CDKL5: variants seen among roughly 807,000 people sequenced by gnomAD.
The protein encoded by CDKL5 is cyclin-dependent kinase-like 5.
Under a neutral mutation model 61.7 loss-of-function variants are expected in CDKL5, and 8 were observed. The observed-to-expected ratio is 0.13, with a 90% CI of 0.08 to 0.23. The LOEUF (loss-of-function observed/expected upper bound fraction) is 0.23, where lower values mean the gene tolerates loss of function less well. Among genes scored for constraint, CDKL5 ranks in the 10% least tolerant of loss-of-function variants. The probability of loss-of-function intolerance (pLI) is 1.00; values close to 1 mark genes in which losing one functional copy is unlikely to be tolerated. For missense variants in CDKL5, 440 were observed against 734.5 expected (o/e 0.60, Z 4.63); for synonymous variants, 275 against 272.3 (o/e 1.01, Z -0.10).
chrX:18,542,062 G>T (rs1332919917), intron 3 of CDKL5, among the ~76,000 whole-genome samples: 1 of 111,731 alleles, frequency 9.0e-6, no homozygotes, highest in African/African-American at 3.3e-5. Context: ...CATTTTGGAT[G>T]TTATGTCATT....
chrX:18,648,646 G>C (rs12012448), intron 20 of CDKL5, among the ~76,000 whole-genome samples: 9,400 of 111,782 alleles, frequency 0.084, 824 homozygotes, highest in African/African-American at 0.27. Flanking sequence ...GAAGTGCCCA[G>C]GTGACATAAC....
chrX:18,602,314 G>A (rs907032385), intron 11 of CDKL5, among the ~76,000 whole-genome samples: 4 of 112,196 alleles, frequency 3.6e-5, no homozygotes, highest in African/African-American at 1.3e-4. Context: ...TTGAAAAGTC[G>A]CTGAGATATT....
chrX:18,602,209 A>C (rs1254578943), intron 11 of CDKL5, among the ~76,000 whole-genome samples: 1 of 112,215 alleles, frequency 8.9e-6, no homozygotes, highest in Admixed American at 9.4e-5. Context: ...GGCCGGGCTC[A>C]TGGGGGTGGA....
intron 3 of CDKL5, among the ~76,000 whole-genome samples, chrX:18,523,621 G>A (rs966279256): frequency 3.6e-5 from 4 of 111,860 alleles, no homozygotes; most frequent in Non-Finnish European, 7.5e-5. Flanking sequence ...GCTGTTACCT[G>A]TGGGTTTTAT....
intron 3 of CDKL5, among the ~76,000 whole-genome samples, chrX:18,526,314 T>C (rs970249588): frequency 9.8e-5 from 11 of 112,475 alleles, no homozygotes; most frequent in Admixed American, 1.9e-4. Flanking sequence ...TGTAATTGTT[T>C]AGTAGTTCCA....
intron 1 of CDKL5, among the ~76,000 whole-genome samples, chrX:18,459,702 T>C (rs1282013567): frequency 1.2e-4 from 9 of 74,311 alleles, no homozygotes; most frequent in East Asian, 4.1e-4. Context: ...TTCTTTCTTT[T>C]TTTTTTTTTT....
intron 3 of CDKL5, among the ~76,000 whole-genome samples, chrX:18,517,097 C>T (rs1360044040): frequency 1.8e-5 from 2 of 111,799 alleles, no homozygotes; most frequent in Admixed American, 9.5e-5. Context: ...TGCCTTTATC[C>T]TCATCATCCG....
chrX:18,641,712 C>CA (rs1927580330), downstream of CDKL5: 1 of 341,622 alleles, frequency 2.9e-6, no homozygotes, highest in Admixed American at 4.6e-5. Flanking sequence ...ATCACTGAGA[C>CA]AAAAAATGAG....
At chrX:18,530,445 C>T (rs1923605313) in intron 3 of CDKL5, among the ~76,000 whole-genome samples, 1 of 111,020 alleles carries the variant, frequency 9.0e-6, no homozygotes, top group South Asian at 3.8e-4. Flanking sequence ...TCAGCCGTGT[C>T]CAGTTTACTG....
intron 10 of CDKL5, among the ~76,000 whole-genome samples, chrX:18,596,984 A>G (rs976190926): frequency 1.8e-5 from 2 of 111,656 alleles, no homozygotes; most frequent in Non-Finnish European, 3.8e-5. Flanking sequence ...ATGTCCTTTC[A>G]GAAGGTGCGC....
At chrX:18,560,785 AC>A (rs1924777283) in intron 3 of CDKL5, among the ~76,000 whole-genome samples, 5 of 111,038 alleles carry the variant, frequency 4.5e-5, no homozygotes, top group African/African-American at 6.6e-5. Context: ...ATACACACAC[AC>A]ACACACACAC....
At chrX:18,449,657 ATTG>A (rs1931962690) in intron 1 of CDKL5, among the ~76,000 whole-genome samples, 1 of 112,558 alleles carries the variant, frequency 8.9e-6, no homozygotes, top group African/African-American at 3.2e-5. Context: ...GTTTCTCCTT[ATTG>A]TTTTTTTGTT....
intron 1 of CDKL5, among the ~76,000 whole-genome samples, chrX:18,452,670 G>A (rs1932046764): frequency 9.1e-6 from 1 of 109,838 alleles, no homozygotes; most frequent in African/African-American, 3.3e-5. Flanking sequence ...TTCTCCTCAA[G>A]TGTATGGTTC....
At chrX:18,532,615 T>C (rs1047204369) in intron 3 of CDKL5, among the ~76,000 whole-genome samples, 4 of 112,102 alleles carry the variant, frequency 3.6e-5, no homozygotes, top group African/African-American at 9.7e-5. Flanking sequence ...AAACTACAGA[T>C]CGTGGTGACT....
chrX:18,647,450 C>T, intron 20 of CDKL5: 2 of 767,588 alleles, frequency 2.6e-6, no homozygotes, highest in Non-Finnish European at 3.9e-6. Context: ...GAAGGCTTTA[C>T]CTGTCTCTGT....
chrX:18,646,686 C>T (rs1927786346), intron 20 of CDKL5, among the ~76,000 whole-genome samples: 1 of 111,310 alleles, frequency 9.0e-6, no homozygotes, highest in Non-Finnish European at 1.9e-5. Context: ...GGCTTGCTGC[C>T]CTGCTTATGT....
At position 18,650,489 on chromosome X, in the gene CDKL5, C is replaced by T. The variant is rs780702363; in HGVS notation, c.2877C>T (p.Ser959=). The change falls in exon 21 of 22, where the codon TCC becomes TCT. Residue 959 remains serine (S), a synonymous_variant. Transcript: ENST00000379989. ...ACCGAGCCCTTCATCGTCCAATCTC[C>T]AGTCCTGCTCCCTATCCAGTACTCC... 3.3e-6 allele frequency: 4 copies of T among 1,212,042 alleles called. No homozygotes were observed. Among genetic ancestry groups the T allele is most frequent in the South Asian group, 3.5e-5 (2 of 57,044 alleles).
Position 18,635,346 on chromosome X carries a change from G to T in CDKL5, c.*6589G>T. On this transcript the variant is annotated 3_prime_UTR_variant, in exon 18 of 18. Coordinates refer to ENST00000623535, the MANE Select transcript of CDKL5 (RefSeq NM_001323289.2). ...TTTTTACTGAGCACAATGTATTTTT[G>T]AATGGATCTTCCCAAATGTCTTTAA... 1.3e-6 allele frequency: 1 copy of T among 753,627 alleles called. No homozygotes were observed. 62.1% of individuals were successfully genotyped at this position (753,627 alleles called of 1,213,427 possible). A position where few individuals can be genotyped will look rare whatever the true frequency, so the allele number is the denominator to read the frequency against.
chrX:18,514,707 CAAA>C (rs1224243985), intron 3 of CDKL5, among the ~76,000 whole-genome samples: 6 of 53,078 alleles, frequency 1.1e-4, no homozygotes, highest in South Asian at 1.7e-3. Context: ...AACTCCATCT[CAAA>C]AAAAAAAAAA....
Sources: gnomAD v4.1 joint callset for allele counts (sites outside exome capture counted in the v4.1 genomes callset) on GRCh38, gnomAD v4.1.1 for gene constraint, MANE v1.5 for transcripts, NCBI Gene and HGNC (gene_info 2026-07-23, HGNC 2026-07-21) for gene names.